Variants in HECW2 observed in about 807,000 individuals in gnomAD.
The protein encoded by HECW2 is E3 ubiquitin-protein ligase HECW2.
Under a neutral mutation model 175.2 loss-of-function variants are expected in HECW2, and 61 were observed. The ratio of observed to expected loss-of-function variants is 0.35; its 90% CI spans 0.28 to 0.43. The LOEUF (loss-of-function observed/expected upper bound fraction) is 0.43. Among genes scored for constraint, HECW2 ranks in the 20% least tolerant of loss-of-function variants. The pLI, the probability that HECW2 is intolerant of heterozygous loss-of-function variation, is 1.00. For missense variants in HECW2, 1,524 were observed against 2,000.5 expected, an observed-to-expected ratio of 0.76 and a Z score of 4.54; for synonymous variants, 671 against 731.0, an observed-to-expected ratio of 0.92 and a Z score of 1.32.
chr2:196,363,118 A>T (rs1048366324), intron 2 of HECW2, among the ~76,000 whole-genome samples: 1 of 152,156 alleles, frequency 6.6e-6, no homozygotes, highest in African/African-American at 2.4e-5. Flanking sequence ...CTCCAGGATC[A>T]CCATCACCCT....
chr2:196,424,745 T>C (rs540575588), intron 2 of HECW2, among the ~76,000 whole-genome samples: 1 of 152,290 alleles, frequency 6.6e-6, no homozygotes, highest in Non-Finnish European at 1.5e-5. Flanking sequence ...GAAAGGTTGA[T>C]TCATAAGTTT....
chr2:196,497,451 T>C (rs1463611486), intron 1 of HECW2, among the ~76,000 whole-genome samples: 3 of 152,156 alleles, frequency 2.0e-5, no homozygotes, highest in Admixed American at 6.5e-5. Flanking sequence ...TCTGGTAGAG[T>C]AGAAGGGAGA....
At chr2:196,385,108 T>C (rs1469702231) in intron 2 of HECW2, among the ~76,000 whole-genome samples, 1 of 151,980 alleles carries the variant, frequency 6.6e-6, no homozygotes, top group Non-Finnish European at 1.5e-5. Context: ...GACAGGGTCT[T>C]GCTATGTTGC....
At chr2:196,339,217 T>C (rs543082285) in intron 3 of HECW2, among the ~76,000 whole-genome samples, 7 of 152,142 alleles carry the variant, frequency 4.6e-5, no homozygotes, top group African/African-American at 1.4e-4. Context: ...AAGGCTCTGA[T>C]AGTAAAAATA....
At chr2:196,454,791 TGGAA>T (rs1020141994) in intron 1 of HECW2, among the ~76,000 whole-genome samples, 10 of 152,316 alleles carry the variant, frequency 6.6e-5, no homozygotes, top group Middle Eastern at 6.8e-3. Flanking sequence ...CTATGACCTC[TGGAA>T]GGCTACTCAA....
At chr2:196,360,510 C>CA (rs1468766162) in intron 2 of HECW2, among the ~76,000 whole-genome samples, 1 of 151,432 alleles carries the variant, frequency 6.6e-6, no homozygotes, top group Non-Finnish European at 1.5e-5. Context: ...CTCATGGACA[C>CA]AAAAAAGGGA....
intron 1 of HECW2, among the ~76,000 whole-genome samples, chr2:196,548,573 T>G (rs1042550259): frequency 2.4e-4 from 37 of 152,202 alleles, no homozygotes; most frequent in African/African-American, 8.9e-4. Context: ...CATTCTACTT[T>G]GAAAAACCCC....
chr2:196,319,793 A>T lies in HECW2; in HGVS notation c.1097T>A (p.Val366Glu). The part of the protein sequence containing the change: ...DMPGSHHDSQ[V>E]CSNGPVSEDS... ...CTCAGAAACTGGCCCATTAGAGCAC[A>T]CCTGGCTGTCGTGATGGCTCCCTGG... The change falls in exon 9 of 29, where the codon GTG becomes GAG. Residue 366 changes from valine to glutamate, a missense_variant. Val to Glu is a moderately radical substitution (Grantham distance 121). Transcript: ENST00000644978. The T allele has an allele frequency of 6.2e-7, 1 of 1,614,162 alleles. No individual in the cohort carries two copies. The highest frequency in any genetic ancestry group is 8.5e-7 in the Non-Finnish European group (1 of 1,180,022).
In HECW2 at chr2:196,259,830, A is replaced by G. The variant is rs574534033; in HGVS notation, c.3336-1924T>C. Among the ~76,000 whole-genome samples, 12 of 151,910 alleles carry G rather than the reference A, an allele frequency of 7.9e-5. No homozygotes were observed. In the South Asian group the frequency reaches 2.5e-3, roughly 31 times the overall value. Reference sequence around the variant, plus strand: ...AAAGTTATCTTGAAGAAAAATGAATAATAACTTAACCAAAGAACTACTCTT... The same window carrying G: ...AAAGTTATCTTGAAGAAAAATGAATGATAACTTAACCAAAGAACTACTCTT... On this transcript the variant is annotated intron_variant, in intron 17 of 28. Coordinates refer to ENST00000644978, the MANE Select transcript of HECW2 (RefSeq NM_001348768.2).
intron 13 of HECW2, among the ~76,000 whole-genome samples, chr2:196,305,170 C>A (rs183457623): frequency 6.6e-6 from 1 of 152,170 alleles, no homozygotes; most frequent in African/African-American, 2.4e-5. Flanking sequence ...GATGCCAGGG[C>A]CCACAGTTGC....
chr2:196,513,795 G>T (rs1222301796), intron 1 of HECW2, among the ~76,000 whole-genome samples: 3 of 152,230 alleles, frequency 2.0e-5, no homozygotes, highest in Admixed American at 2.0e-4. Flanking sequence ...AGGGGTCCAT[G>T]GACCAATGCC....
At chr2:196,519,745 C>A (rs1425773378) in intron 1 of HECW2, among the ~76,000 whole-genome samples, 1 of 152,090 alleles carries the variant, frequency 6.6e-6, no homozygotes, top group Non-Finnish European at 1.5e-5. Flanking sequence ...AATGTTTAAG[C>A]CAAGAAAATA....
At chr2:196,407,471 G>T (rs1411159948) in intron 2 of HECW2, among the ~76,000 whole-genome samples, 2 of 152,062 alleles carry the variant, frequency 1.3e-5, no homozygotes, top group African/African-American at 4.8e-5. Flanking sequence ...CAACGGGCTG[G>T]GATTACAGGC....
chr2:196,223,436 G>T (rs1037429939), intron 23 of HECW2, among the ~76,000 whole-genome samples: 1 of 152,010 alleles, frequency 6.6e-6, no homozygotes, highest in Non-Finnish European at 1.5e-5. Context: ...GACGTAAAAA[G>T]GAATACATGA....
At chr2:196,347,061 TA>T (rs1398194300) in intron 2 of HECW2, among the ~76,000 whole-genome samples, 5 of 151,644 alleles carry the variant, frequency 3.3e-5, no homozygotes, top group Non-Finnish European at 7.4e-5. Flanking sequence ...TTTATTTATT[TA>T]TTTTTTTTGA....
chr2:196,337,004 C>A (rs2105810533), intron 3 of HECW2, among the ~76,000 whole-genome samples: 1 of 143,198 alleles, frequency 7.0e-6, no homozygotes, highest in Admixed American at 6.7e-5. Context: ...TAGCTGGATC[C>A]TTCAGCAGGA....
intron 26 of HECW2, chr2:196,217,732 G>A (rs902210511): frequency 1.1e-4 from 17 of 152,070 alleles, no homozygotes; most frequent in Admixed American, 1.0e-3. Context: ...CCATACTTTA[G>A]TAGAATTTAA....
chr2:196,342,726 TGTCAGTGAGCCC>T (rs1692802717), intron 3 of HECW2, among the ~76,000 whole-genome samples: 1 of 152,282 alleles, frequency 6.6e-6, no homozygotes, highest in African/African-American at 2.4e-5. Context: ...CCGACCTCAA[TGTCAGTGAGCCC>T]GTCTATTTCA....
intron 5 of HECW2, among the ~76,000 whole-genome samples, chr2:196,328,163 C>A (rs1244754752): frequency 2.6e-5 from 4 of 152,060 alleles, no homozygotes; most frequent in Non-Finnish European, 5.9e-5. Flanking sequence ...AAATTGTTTC[C>A]TGCCTGTCAC....
Sources: gnomAD v4.1 joint callset for allele counts (sites outside exome capture counted in the v4.1 genomes callset) on GRCh38, gnomAD v4.1.1 for gene constraint, MANE v1.5 for transcripts, NCBI Gene and HGNC (gene_info 2026-07-23, HGNC 2026-07-21) for gene names.